Variants in ACTR10 observed in about 807,000 individuals in gnomAD.
ACTR10 encodes the protein actin-related protein 10.
ACTR10 carries 43 observed loss-of-function variants against 56.2 expected under a neutral mutation model. The observed-to-expected ratio is 0.77, with a 90% CI of 0.60 to 0.99. The LOEUF is 0.99. Among genes scored for constraint, ACTR10 ranks in the 50% least tolerant of loss-of-function variants. ACTR10 has a pLI of 0.00. For missense variants in ACTR10, 466 were observed against 507.8 expected, an observed-to-expected ratio of 0.92 and a Z score of 0.79; for synonymous variants, 170 against 176.3, an observed-to-expected ratio of 0.96 and a Z score of 0.28.
At chr14:58,233,251 G>A (rs975806464) in intron 12 of ACTR10, among the ~76,000 whole-genome samples, 3 of 152,106 alleles carry the variant, frequency 2.0e-5, no homozygotes, top group Admixed American at 6.6e-5. Flanking sequence ...TTTAATTTAT[G>A]AGTATATTTG....
At chr14:58,203,799 G>C (rs898355959) in intron 2 of ACTR10, among the ~76,000 whole-genome samples, 1 of 152,122 alleles carries the variant, frequency 6.6e-6, no homozygotes, top group Non-Finnish European at 1.5e-5. Context: ...CCAGTAGAAA[G>C]AATGATTTTG....
intron 1 of ACTR10, among the ~76,000 whole-genome samples, chr14:58,201,246 A>G (rs1888697270): frequency 1.3e-5 from 2 of 152,224 alleles, no homozygotes; most frequent in South Asian, 4.1e-4. Context: ...TCCTTGGTTA[A>G]TGACATTCTC....
intron 10 of ACTR10, among the ~76,000 whole-genome samples, chr14:58,230,016 C>T (rs1236556737): frequency 6.6e-6 from 1 of 152,070 alleles, no homozygotes; most frequent in African/African-American, 2.4e-5. Flanking sequence ...TCTCTTGTAT[C>T]ACTAGCTAAT....
At chr14:58,217,215 G>A (rs962813383) in intron 7 of ACTR10, among the ~76,000 whole-genome samples, 1 of 152,064 alleles carries the variant, frequency 6.6e-6, no homozygotes, top group Non-Finnish European at 1.5e-5. Context: ...AATTATAAAC[G>A]ATACATTCTT....
At chr14:58,232,297 T>C (rs1215704058) in intron 12 of ACTR10, 30 bp downstream of exon 12, 1 of 1,562,804 alleles carries the variant, frequency 6.4e-7, no homozygotes, top group African/African-American at 1.4e-5. Context: ...AATATAATGA[T>C]TATATAGTAT....
chr14:58,215,185 CTTT>C lies in ACTR10; in HGVS notation c.519-11_519-9del. ...AGTTTCAATATTTTCATTCCAGTAACTTTTTTTTTTTAATTTCAGAGAGTTGGA... is the reference window on the plus strand; with the variant it reads ...AGTTTCAATATTTTCATTCCAGTAACTTTTTTTTAATTTCAGAGAGTTGGA... On this transcript the variant is annotated splice_polypyrimidine_tract_variant and intron_variant, in intron 6 of 12. Coordinates refer to ENST00000254286, the MANE Select transcript of ACTR10 (RefSeq NM_018477.3). 8.7e-7 allele frequency: 1 copy of C among 1,142,954 alleles called. No homozygotes were observed. Among genetic ancestry groups the C allele is most frequent in the Non-Finnish European group, 1.2e-6 (1 of 823,688 alleles). 70.8% of individuals were successfully genotyped at this position (1,142,954 alleles called of 1,614,324 possible). A position where few individuals can be genotyped will look rare whatever the true frequency, so the allele number is the denominator to read the frequency against.
chr14:58,225,334 A>G (rs927332658), intron 10 of ACTR10, among the ~76,000 whole-genome samples: 5 of 152,238 alleles, frequency 3.3e-5, no homozygotes, highest in African/African-American at 1.2e-4. Context: ...TAGTAACAAT[A>G]TAACATTTGT....
At chr14:58,208,917 C>A in intron 3 of ACTR10, 82 bp from the exon 4 acceptor site, 1 of 839,590 alleles carries the variant, frequency 1.2e-6, no homozygotes, top group Non-Finnish European at 2.0e-6. Context: ...TAAGGTAGTA[C>A]AGTTTCACTG....
At position 58,230,465 on chromosome 14, in the gene ACTR10, G is replaced by T; in HGVS notation, c.855G>T (p.Leu285Phe). ...AGCAATCAGTTGCCACTTTAATATT[G>T]GATTCCCTTATACAGGTATTTTATC... ...NEEQSVATLILDSLIQCPIDT... is the reference protein window; with the variant it reads ...NEEQSVATLIFDSLIQCPIDT... Residue 285 changes from leucine to phenylalanine, a missense_variant, in exon 11 of 13, where the codon TTG becomes TTT. By Grantham distance (22) the Leu-to-Phe change is conservative (BLOSUM62 0). Coordinates refer to ENST00000254286, the MANE Select transcript of ACTR10 (RefSeq NM_018477.3). 6.3e-7 allele frequency: 1 copy of T among 1,584,910 alleles called. No individual in the cohort carries two copies. Among genetic ancestry groups the T allele is most frequent in the Non-Finnish European group, 8.6e-7 (1 of 1,165,224 alleles).
At chr14:58,207,654 AATG>A (rs1301728976) in intron 2 of ACTR10, among the ~76,000 whole-genome samples, 1 of 152,132 alleles carries the variant, frequency 6.6e-6, no homozygotes, top group Non-Finnish European at 1.5e-5. Flanking sequence ...TTCAAGCCAA[AATG>A]ATAAGTCAGA....
chr14:58,231,452 C>T (rs974801840), intron 11 of ACTR10, among the ~76,000 whole-genome samples: 1 of 152,110 alleles, frequency 6.6e-6, no homozygotes, highest in Non-Finnish European at 1.5e-5. Context: ...TTTTAAATTC[C>T]ACAGGACATA....
Position 58,235,388 on chromosome 14 carries a change from C to G in ACTR10, c.*837C>G, listed in dbSNP as rs1889654275. On this transcript the variant is annotated 3_prime_UTR_variant, in exon 13 of 13. Coordinates refer to ENST00000254286, the MANE Select transcript of ACTR10 (RefSeq NM_018477.3). ...TAACATAGTCAAGCATTTGTTAAGC[C>G]AAGTGTGGAAATGTTCACTTTTTAA... 1 of 151,668 alleles carries G rather than the reference C, an allele frequency of 6.6e-6. No homozygotes were observed. Among genetic ancestry groups the G allele is most frequent in the South Asian group, 2.1e-4 (1 of 4,814 alleles). 9.4% of individuals were successfully genotyped at this position (151,668 alleles called of 1,614,324 possible).
chr14:58,212,382 T>G (rs1204382278), intron 5 of ACTR10, among the ~76,000 whole-genome samples: 1 of 152,214 alleles, frequency 6.6e-6, no homozygotes, highest in Admixed American at 6.5e-5. Flanking sequence ...AAGCAGAGTA[T>G]AGATGAGCAT....
chr14:58,219,645 G>C (rs1383660185), intron 7 of ACTR10, 49 bp from the exon 8 acceptor site: 7 of 1,249,476 alleles, frequency 5.6e-6, no homozygotes, highest in Non-Finnish European at 7.6e-6. Context: ...TTAATAGACT[G>C]TTTTTAATTA....
chr14:58,215,260 G>T lies in ACTR10; in HGVS notation c.574G>T (p.Glu192Ter). The change falls in exon 7 of 13, where the codon GAA becomes TAA. Residue 192 changes from glutamate (E) to a stop codon, truncating the protein, a stop_gained. Transcript: ENST00000254286. LOFTEE classifies it high-confidence loss of function. ...QCTVDTSVAKEQSLPSVMGSV... is the reference protein window; with the variant it reads ...QCTVDTSVAK The stretch of plus-strand genomic sequence containing the variant: ...TACTGTTGACACAAGTGTTGCTAAA[G>T]AACAGAGCCTTCCCTCAGTGATGGG... 1 of 1,610,996 alleles carries T rather than the reference G, an allele frequency of 6.2e-7. No individual in the cohort carries two copies. Among genetic ancestry groups the T allele is most frequent in the South Asian group, 1.1e-5 (1 of 90,548 alleles).
chr14:58,218,451 A>G (rs1889187844), intron 7 of ACTR10, among the ~76,000 whole-genome samples: 1 of 152,190 alleles, frequency 6.6e-6, no homozygotes, highest in Non-Finnish European at 1.5e-5. Context: ...TTGTTACTAT[A>G]TTATGAAACA....
chr14:58,201,847 A>G (rs180765725), intron 1 of ACTR10, among the ~76,000 whole-genome samples: 1 of 152,252 alleles, frequency 6.6e-6, no homozygotes. Flanking sequence ...TCTACACAAA[A>G]TACAAAATTT....
chr14:58,213,182 A>G (rs893603316), intron 5 of ACTR10: 1 of 152,642 alleles, frequency 6.6e-6, no homozygotes, highest in South Asian at 2.1e-4. Context: ...GATGAAATTA[A>G]TAGTATATTT....
At chr14:58,211,088 C>A in intron 4 of ACTR10, 1 of 427,284 alleles carries the variant, frequency 2.3e-6, no homozygotes, top group South Asian at 3.0e-5. Context: ...ATTTTTATTA[C>A]AGTGTATTTT....
Sources: gnomAD v4.1 joint callset for allele counts (sites outside exome capture counted in the v4.1 genomes callset) on GRCh38, gnomAD v4.1.1 for gene constraint, MANE v1.5 for transcripts, NCBI Gene and HGNC (gene_info 2026-07-23, HGNC 2026-07-21) for gene names.